The following LYPLA2 variants were observed in gnomAD, a reference collection of about 807,000 sequenced individuals.
LYPLA2 encodes the protein acyl-protein thioesterase 2.
A neutral mutation model predicts 30.3 loss-of-function variants in LYPLA2; 7 were observed. The ratio of observed to expected loss-of-function variants is 0.23; its 90% CI spans 0.13 to 0.43. The LOEUF is 0.43. Ranked by LOEUF, LYPLA2 falls within the 20% of genes least tolerant of loss-of-function variation. The pLI is 1.00. For synonymous variants in LYPLA2, 112 were observed against 118.2 expected (o/e 0.95, Z 0.34); for missense variants, 206 against 307.9 (o/e 0.67, Z 2.48).
chr1:23,792,196 G>A (rs996223293), intron 1 of LYPLA2, among the ~76,000 whole-genome samples: 1 of 152,078 alleles, frequency 6.6e-6, no homozygotes, highest in Non-Finnish European at 1.5e-5. Flanking sequence ...GCGGCACTGA[G>A]TAGGGGATGG....
At position 23,795,112 on chromosome 1, in the gene LYPLA2, C is replaced by T. The variant is rs1403179197; in HGVS notation, c.*380C>T. 1 of 409,390 alleles carries T rather than the reference C, an allele frequency of 2.4e-6. No homozygotes were observed. 25.4% of individuals were successfully genotyped at this position (409,390 alleles called of 1,614,324 possible). A position where few individuals can be genotyped will look rare whatever the true frequency, so the allele number is the denominator to read the frequency against. On this transcript the variant is annotated 3_prime_UTR_variant, in exon 10 of 10. Coordinates refer to ENST00000374514, the MANE Select transcript of LYPLA2 (RefSeq NM_007260.3). ...CTCAGGGTTTGGCCCATGGGGCCCCCCCAGGCCCCTGCCCCAACTGATTCT... is the reference window on the plus strand; with the variant it reads ...CTCAGGGTTTGGCCCATGGGGCCCCTCCAGGCCCCTGCCCCAACTGATTCT...
rs1225509960 is a variant in LYPLA2 at position 23,794,170 on chromosome 1, G to T, written c.369+34G>T. ...AGAGGGGTGGGGGGGTAGGGGGTAG[G>T]GGTGGCCGGTGAGTGAGCTGTGCCC... On this transcript the variant is annotated intron_variant, in intron 7 of 9. Transcript: ENST00000374514. The surrounding 1 kb of genome is among the most constrained non-coding windows in gnomAD (Gnocchi z 5.9). 2 of 1,529,194 alleles carry T rather than the reference G, an allele frequency of 1.3e-6. No individual in the cohort carries two copies. The highest frequency in any genetic ancestry group is 8.9e-7 in the Non-Finnish European group (1 of 1,118,636). 94.7% of individuals were successfully genotyped at this position (1,529,194 alleles called of 1,614,324 possible). A position where few individuals can be genotyped will look rare whatever the true frequency, so the allele number is the denominator to read the frequency against.
intron 2 of LYPLA2, 94 bp downstream of exon 2, chr1:23,792,854 G>C: frequency 7.5e-7 from 1 of 1,334,848 alleles, no homozygotes; most frequent in Non-Finnish European, 1.1e-6. Context: ...GCAGTGATGA[G>C]CAGGGAGTAT....
Position 23,793,648 on chromosome 1 carries a change from G to A in LYPLA2, c.177-57G>A, listed in dbSNP as rs977285110. ...GGCGCGGCCCCACTCCGGGCTCTGA[G>A]CTCTGGCCTCCTCATTCCTCCTGAG... is the stretch of plus-strand genomic sequence containing the variant. On this transcript the variant is annotated intron_variant, in intron 4 of 9. Coordinates refer to ENST00000374514, the MANE Select transcript of LYPLA2 (RefSeq NM_007260.3). This position sits in a 1 kb window ranked among gnomAD's most constrained non-coding sequence, Gnocchi z 6.0. The A allele has an allele frequency of 1.9e-6, 3 of 1,579,304 alleles. No individual in the cohort carries two copies. The highest frequency in any genetic ancestry group is 2.6e-6 in the Non-Finnish European group (3 of 1,148,450).
rs1391570930 is a variant in LYPLA2, at chr1:23,794,584, A to G, written c.629A>G (p.His210Arg). ...TTCAAGACATACCCGGGTGTCATGC[A>G]CAGCTCCTGTCCTCAGGTCAGTGGG... ...VQFKTYPGVM[H>R]SSCPQEMAAV... Residue 210 changes from histidine (H) to arginine (R), a missense_variant, in exon 9 of 10, where the codon CAC (histidine) becomes CGC (arginine). Physicochemically the swap from His to Arg is conservative, Grantham distance 29 (BLOSUM62 0). Coordinates refer to ENST00000374514, the MANE Select transcript of LYPLA2 (RefSeq NM_007260.3). The surrounding 1 kb of genome is among the most constrained non-coding windows in gnomAD (Gnocchi z 5.9). The G allele has an allele frequency of 6.2e-7, 1 of 1,614,080 alleles. No homozygotes were observed. The highest frequency in any genetic ancestry group is 8.5e-7 in the Non-Finnish European group (1 of 1,180,004).
In LYPLA2 at chr1:23,795,137, TG is replaced by T. The variant is rs1328659219; in HGVS notation, c.*406del. On this transcript the variant is annotated 3_prime_UTR_variant, in exon 10 of 10. Transcript: ENST00000374514. ...CCCAGGCCCCTGCCCCAACTGATTC[TG>T]CCCAGATAATCGTGTCTCCTGCCTC... The T allele has an allele frequency of 2.7e-6, 1 of 373,284 alleles. No individual in the cohort carries two copies. Among genetic ancestry groups the T allele is most frequent in the Admixed American group, 3.7e-5 (1 of 26,888 alleles). The allele number at this position is 373,284 out of a possible 1,614,324, so 23.1% of individuals were successfully genotyped here.
In LYPLA2 at chr1:23,794,371, G is replaced by A. The variant is rs746905371; in HGVS notation, c.471+46G>A. 5.6e-6 allele frequency: 9 copies of A among 1,599,444 alleles called. No individual in the cohort carries two copies. The highest frequency in any genetic ancestry group is 5.4e-5 in the African/African-American group (4 of 74,418). Reference sequence around the variant, plus strand: ...CCCCGCCCTTTGTGTCTGCATCCTCGTGGCTTGGGGACTGCTGCAGCACTA... The same window carrying A: ...CCCCGCCCTTTGTGTCTGCATCCTCATGGCTTGGGGACTGCTGCAGCACTA... On this transcript the variant is annotated intron_variant, in intron 8 of 9. Transcript: ENST00000374514. The surrounding 1 kb of genome is among the most constrained non-coding windows in gnomAD (Gnocchi z 5.9).
chr1:23,794,349 C>A lies in LYPLA2; in HGVS notation c.471+24C>A, dbSNP rs115000504. The A allele has an allele frequency of 3.1e-4, 489 of 1,596,068 alleles. 1 individual carries two copies. The highest frequency in any genetic ancestry group is 3.9e-4 in the Non-Finnish European group (453 of 1,164,780). On this transcript the variant is annotated intron_variant, in intron 8 of 9. Transcript: ENST00000374514. The surrounding 1 kb of genome is among the most constrained non-coding windows in gnomAD (Gnocchi z 5.9). ...AGGTGAATGTCCCCACTGACCCCCC[C>A]GCCCTTTGTGTCTGCATCCTCGTGG...
rs1448566856 is a variant in LYPLA2, at chr1:23,793,114, T to G, written c.111-37T>G. ...GCGGACTGGAGAGGCCTTCTCTTCC[T>G]ACCACATCGGAGCCTTTTCTCCCGT... On this transcript the variant is annotated intron_variant, in intron 3 of 9. Transcript: ENST00000374514. The surrounding 1 kb of genome is among the most constrained non-coding windows in gnomAD (Gnocchi z 6.0). The G allele has an allele frequency of 1.2e-6, 2 of 1,613,814 alleles. No individual in the cohort carries two copies. The highest frequency in any genetic ancestry group is 1.7e-5 in the Admixed American group (1 of 60,022).
At position 23,793,608 on chromosome 1, in the gene LYPLA2, G is replaced by C; in HGVS notation, c.177-97G>C. On this transcript the variant is annotated intron_variant, in intron 4 of 9. Transcript: ENST00000374514. This position sits in a 1 kb window ranked among gnomAD's most constrained non-coding sequence, Gnocchi z 6.0. ...TAAACACAGGCCCTGCCTGCTGGGA[G>C]GGGCCACCAGGGGCGGCGCGGCCCC... is the stretch of plus-strand genomic sequence containing the variant. 9.6e-6 allele frequency: 12 copies of C among 1,249,494 alleles called. No homozygotes were observed. Among genetic ancestry groups the C allele is most frequent in the Non-Finnish European group, 1.4e-5 (12 of 850,698 alleles). 77.4% of individuals were successfully genotyped at this position (1,249,494 alleles called of 1,614,324 possible). A position where few individuals can be genotyped will look rare whatever the true frequency, so the allele number is the denominator to read the frequency against.
At position 23,794,892 on chromosome 1, in the gene LYPLA2, C is replaced by A. The variant is rs1638898377; in HGVS notation, c.*160C>A. On this transcript the variant is annotated 3_prime_UTR_variant, in exon 10 of 10. Coordinates refer to ENST00000374514, the MANE Select transcript of LYPLA2 (RefSeq NM_007260.3). The surrounding 1 kb of genome is among the most constrained non-coding windows in gnomAD (Gnocchi z 5.9). ...GGGCAGGTGGCAAGGCCTGGCCGGGCCTTCCTTCCTGGCCTTAGCCACCTG... is the reference window on the plus strand; with the variant it reads ...GGGCAGGTGGCAAGGCCTGGCCGGGACTTCCTTCCTGGCCTTAGCCACCTG... 1 of 845,444 alleles carries A rather than the reference C, an allele frequency of 1.2e-6. No individual in the cohort carries two copies. Among genetic ancestry groups the A allele is most frequent in the Non-Finnish European group, 2.0e-6 (1 of 507,564 alleles). 52.4% of individuals were successfully genotyped at this position (845,444 alleles called of 1,614,324 possible).
chr1:23,791,931 A>C (rs1470121526), intron 1 of LYPLA2: 2 of 152,604 alleles, frequency 1.3e-5, no homozygotes, highest in Non-Finnish European at 2.9e-5. Flanking sequence ...GGGAGGGGCC[A>C]GCCAGCCTGA....
In LYPLA2 at chr1:23,794,312, G is replaced by A. The variant is rs372399833; in HGVS notation, c.458G>A (p.Arg153Gln). 41 of 1,612,158 alleles carry A rather than the reference G, an allele frequency of 2.5e-5. No homozygotes were observed. Among genetic ancestry groups the A allele is most frequent in the South Asian group, 7.7e-5 (7 of 90,962 alleles). ...VALSCWLPLH[R>Q]AFPQAANGSA... ...TTGAGCTGCTGGCTGCCTCTGCACCGGGCCTTCCCCCAGGTGAATGTCCCC... is the reference window on the plus strand; with the variant it reads ...TTGAGCTGCTGGCTGCCTCTGCACCAGGCCTTCCCCCAGGTGAATGTCCCC... The change falls in exon 8 of 10, where the codon CGG (arginine) becomes CAG (glutamine). Residue 153 changes from arginine (R) to glutamine (Q), a missense_variant. Physicochemically the swap from Arg to Gln is conservative, Grantham distance 43 (BLOSUM62 1). Transcript: ENST00000374514. The surrounding 1 kb of genome is among the most constrained non-coding windows in gnomAD (Gnocchi z 5.9).
chr1:23,793,722 C>A lies in LYPLA2; in HGVS notation c.194C>A (p.Thr65Asn). Residue 65 changes from threonine (T) to asparagine (N), a missense_variant, in exon 5 of 10, where the codon ACC (threonine) becomes AAC (asparagine). Coordinates refer to ENST00000374514, the MANE Select transcript of LYPLA2 (RefSeq NM_007260.3). The surrounding 1 kb of genome is among the most constrained non-coding windows in gnomAD (Gnocchi z 6.0). The stretch of plus-strand genomic sequence containing the variant: ...TTCCCCAGGCCTAGGATCCCTGTGA[C>A]CCTCAACATGAAGATGGTGATGCCC... ...ICPHAPRIPV[T>N]LNMKMVMPSW... The A allele has an allele frequency of 1.9e-6, 3 of 1,614,124 alleles. No individual in the cohort carries two copies. Among genetic ancestry groups the A allele is most frequent in the Non-Finnish European group, 2.5e-6 (3 of 1,179,992 alleles).
rs932436169 is a variant in LYPLA2, at chr1:23,795,107, G to GC, written c.*382dup. ...GTGACCTCAGGGTTTGGCCCATGGG[G>GC]CCCCCCCAGGCCCCTGCCCCAACTG... is the stretch of plus-strand genomic sequence containing the variant. On this transcript the variant is annotated 3_prime_UTR_variant, in exon 10 of 10. Coordinates refer to ENST00000374514, the MANE Select transcript of LYPLA2 (RefSeq NM_007260.3). 6.7e-5 allele frequency: 29 copies of GC among 431,094 alleles called. No individual in the cohort carries two copies. The highest frequency in any genetic ancestry group is 3.7e-4 in the East Asian group (7 of 19,006). 26.7% of individuals were successfully genotyped at this position (431,094 alleles called of 1,614,324 possible). A position where few individuals can be genotyped will look rare whatever the true frequency, so the allele number is the denominator to read the frequency against.
In LYPLA2 at chr1:23,795,184, A is replaced by G. The variant is rs564593318; in HGVS notation, c.*452A>G. Reference sequence around the variant, plus strand: ...GCCTCCACTCAGCTGCTTCTCAGTCATGAATGTGGCCATGGCCCCGGGGTC... The same window carrying G: ...GCCTCCACTCAGCTGCTTCTCAGTCGTGAATGTGGCCATGGCCCCGGGGTC... On this transcript the variant is annotated 3_prime_UTR_variant, in exon 10 of 10. Transcript: ENST00000374514. 9.4e-6 allele frequency: 3 copies of G among 318,182 alleles called. No homozygotes were observed. The highest frequency in any genetic ancestry group is 8.1e-5 in the South Asian group (3 of 37,170). 19.7% of individuals were successfully genotyped at this position (318,182 alleles called of 1,614,324 possible). A position where few individuals can be genotyped will look rare whatever the true frequency, so the allele number is the denominator to read the frequency against.
Position 23,794,414 on chromosome 1 carries a change from G to C in LYPLA2, c.472-13G>C, listed in dbSNP as rs1638880666. 2.5e-6 allele frequency: 4 copies of C among 1,613,632 alleles called. No individual in the cohort carries two copies. The highest frequency in any genetic ancestry group is 3.4e-6 in the Non-Finnish European group (4 of 1,179,920). On this transcript the variant is annotated splice_polypyrimidine_tract_variant and intron_variant, in intron 8 of 9. Transcript: ENST00000374514. This position sits in a 1 kb window ranked among gnomAD's most constrained non-coding sequence, Gnocchi z 5.9. Reference sequence around the variant, plus strand: ...CAGCACTAGCTTTGCCCTGAGTCCTGTCCGGCCTCCAGGCAGCTAATGGCA... The same window carrying C: ...CAGCACTAGCTTTGCCCTGAGTCCTCTCCGGCCTCCAGGCAGCTAATGGCA...
In LYPLA2 at chr1:23,794,528, C is replaced by A. The variant is rs1348817709; in HGVS notation, c.573C>A (p.Leu191=). ...VRFGALTAEK[L]RSVVTPARVQ... ...TTGGGGCCCTGACGGCTGAGAAGCT[C>A]CGGTCTGTTGTCACACCTGCCAGGG... Residue 191 remains leucine (L), a synonymous_variant, in exon 9 of 10, where the codon CTC becomes CTA. Coordinates refer to ENST00000374514, the MANE Select transcript of LYPLA2 (RefSeq NM_007260.3). This position sits in a 1 kb window ranked among gnomAD's most constrained non-coding sequence, Gnocchi z 5.9. 1 of 1,613,968 alleles carries A rather than the reference C, an allele frequency of 6.2e-7. No individual in the cohort carries two copies. The highest frequency in any genetic ancestry group is 8.5e-7 in the Non-Finnish European group (1 of 1,179,986).
Position 23,793,038 on chromosome 1 carries a change from G to A in LYPLA2, c.109G>A (p.Gly37Arg). The A allele has an allele frequency of 6.2e-7, 1 of 1,613,560 alleles. No individual in the cohort carries two copies. The highest frequency in any genetic ancestry group is 1.1e-5 in the South Asian group (1 of 91,044). Residue 37 changes from glycine to arginine, a missense_variant and splice_region_variant, in exon 3 of 10, where the codon GGG becomes AGG. Gly to Arg is a moderately radical substitution (Grantham distance 125). Transcript: ENST00000374514. The surrounding 1 kb of genome is among the most constrained non-coding windows in gnomAD (Gnocchi z 6.0). ...VIFLHGLGDT[G>R]HSWADALSTI... ...TTTTTTACATGGACTTGGAGACACA[G>A]GGTAAGTGACTGAGGAGGGGTGCTC...
Sources: allele counts gnomAD v4.1 joint callset (sites outside exome capture counted in the v4.1 genomes callset), GRCh38; gene constraint gnomAD v4.1.1; non-coding constraint Gnocchi (gnomAD v3.1); transcripts MANE v1.5; gene names NCBI Gene and HGNC (gene_info 2026-07-23, HGNC 2026-07-21).